Variants in PLXDC2 observed in about 807,000 individuals in gnomAD.
PLXDC2 encodes the protein plexin domain-containing protein 2.
In PLXDC2, 40 loss-of-function variants were observed where a neutral mutation model predicts 68.9. That is an observed-to-expected ratio of 0.58 (90% confidence interval 0.45 to 0.76). PLXDC2 has a LOEUF of 0.76. PLXDC2 is among the 30% of genes least tolerant of loss of function. The pLI is 0.00. For missense variants in PLXDC2, 644 were observed against 661.9 expected (o/e 0.97, Z 0.30); for synonymous variants, 243 against 234.2 (o/e 1.04, Z -0.34).
At chr10:19,965,742 A>G (rs1441443646) in intron 1 of PLXDC2, among the ~76,000 whole-genome samples, 1 of 151,560 alleles carries the variant, frequency 6.6e-6, no homozygotes, top group East Asian at 1.9e-4. Context: ...ACATAATTCA[A>G]TGAAAGTGTC....
At chr10:20,211,390 T>C (rs919451327) in intron 9 of PLXDC2, among the ~76,000 whole-genome samples, 15 of 152,176 alleles carry the variant, frequency 9.9e-5, no homozygotes, top group Non-Finnish European at 1.9e-4. Flanking sequence ...CTTATCTTTG[T>C]GCAGGGATCT....
chr10:20,059,826 A>C (rs900693432), intron 3 of PLXDC2, among the ~76,000 whole-genome samples: 1 of 152,142 alleles, frequency 6.6e-6, no homozygotes, highest in African/African-American at 2.4e-5. Context: ...TATCCTGCCC[A>C]CTATGCTATT....
intron 1 of PLXDC2, among the ~76,000 whole-genome samples, chr10:19,899,134 C>T (rs1006553669): frequency 2.6e-5 from 4 of 152,194 alleles, no homozygotes; most frequent in Non-Finnish European, 4.4e-5. Context: ...CCTCCTCTTC[C>T]ACCCTGGCTC....
chr10:20,051,631 A>G (rs1414563015), intron 3 of PLXDC2, among the ~76,000 whole-genome samples: 1 of 151,804 alleles, frequency 6.6e-6, no homozygotes, highest in African/African-American at 2.4e-5. Flanking sequence ...GTTTCATGCA[A>G]GGCTGACTCA....
chr10:19,935,187 C>T (rs1057090439), intron 1 of PLXDC2, among the ~76,000 whole-genome samples: 1 of 152,162 alleles, frequency 6.6e-6, no homozygotes, highest in Non-Finnish European at 1.5e-5. Flanking sequence ...TGGAGGCTGA[C>T]AGTGGGGACC....
chr10:20,138,992 A>T (rs919046416), intron 4 of PLXDC2, among the ~76,000 whole-genome samples: 1 of 152,228 alleles, frequency 6.6e-6, no homozygotes, highest in Non-Finnish European at 1.5e-5. Context: ...CATTATCAGA[A>T]TAATATTTTT....
intron 7 of PLXDC2, among the ~76,000 whole-genome samples, chr10:20,173,873 T>G (rs948081023): frequency 1.3e-5 from 2 of 152,206 alleles, no homozygotes; most frequent in African/African-American, 4.8e-5. Context: ...TTGGAAGTTG[T>G]CGTTAATTGG....
At chr10:20,123,864 T>C (rs1313377021) in intron 4 of PLXDC2, among the ~76,000 whole-genome samples, 1 of 150,820 alleles carries the variant, frequency 6.6e-6, no homozygotes, top group Non-Finnish European at 1.5e-5. Flanking sequence ...AAATAAGGGA[T>C]TGGGGTGCAG....
chr10:19,851,633 C>T (rs748779935), intron 1 of PLXDC2, among the ~76,000 whole-genome samples: 35 of 152,160 alleles, frequency 2.3e-4, no homozygotes, highest in Non-Finnish European at 4.3e-4. Context: ...GCAACCTCCA[C>T]CTCCTGGGTT....
chr10:20,027,908 G>C (rs1306703613), intron 2 of PLXDC2, among the ~76,000 whole-genome samples: 1 of 151,806 alleles, frequency 6.6e-6, no homozygotes, highest in Non-Finnish European at 1.5e-5. Context: ...AGAACTTTAG[G>C]AGTCACCATT....
chr10:20,167,945 T>G (rs1461894600), intron 7 of PLXDC2, among the ~76,000 whole-genome samples: 7 of 152,154 alleles, frequency 4.6e-5, no homozygotes, highest in Non-Finnish European at 1.0e-4. Context: ...GTTTTTCAGT[T>G]TTTGAAGACC....
At chr10:19,818,668 G>A (rs1171451366) in intron 1 of PLXDC2, among the ~76,000 whole-genome samples, 1 of 152,102 alleles carries the variant, frequency 6.6e-6, no homozygotes, top group Non-Finnish European at 1.5e-5. Flanking sequence ...GTTCTTGACT[G>A]TGTATGATTT....
intron 4 of PLXDC2, among the ~76,000 whole-genome samples, chr10:20,122,631 T>C (rs1833715420): frequency 6.6e-6 from 1 of 152,316 alleles, no homozygotes; most frequent in South Asian, 2.1e-4. Flanking sequence ...AGCAAGCTCC[T>C]GGGGAAGGAG....
intron 1 of PLXDC2, among the ~76,000 whole-genome samples, chr10:19,921,734 C>T (rs949871709): frequency 1.3e-5 from 2 of 152,236 alleles, no homozygotes; most frequent in Non-Finnish European, 2.9e-5. Flanking sequence ...CTGTGCTCTG[C>T]ACATAGGCCC....
At chr10:20,096,094 C>T (rs547810673) in intron 4 of PLXDC2, among the ~76,000 whole-genome samples, 129 of 152,232 alleles carry the variant, frequency 8.5e-4, no homozygotes, top group African/African-American at 2.9e-3. Flanking sequence ...CGAGTGTTCC[C>T]TGGAATACTT....
intron 4 of PLXDC2, among the ~76,000 whole-genome samples, chr10:20,124,252 C>T (rs965662280): frequency 2.6e-5 from 4 of 152,030 alleles, no homozygotes; most frequent in East Asian, 1.9e-4. Context: ...ACGGATAAAA[C>T]GTGTCTCCTT....
chr10:19,844,750 T>C (rs1295553304), intron 1 of PLXDC2, among the ~76,000 whole-genome samples: 1 of 151,998 alleles, frequency 6.6e-6, no homozygotes, highest in Admixed American at 6.6e-5. Context: ...CGCGCATCAC[T>C]ACACCTGGCT....
At chr10:20,255,662 G>T (rs1835733418) in intron 13 of PLXDC2, among the ~76,000 whole-genome samples, 1 of 151,842 alleles carries the variant, frequency 6.6e-6, no homozygotes, top group Admixed American at 6.6e-5. Context: ...GGCATATTCT[G>T]GTTTATAACT....
intron 2 of PLXDC2, among the ~76,000 whole-genome samples, chr10:20,012,182 T>C (rs555158524): frequency 6.6e-6 from 1 of 152,282 alleles, no homozygotes; most frequent in East Asian, 1.9e-4. Flanking sequence ...GTTGTGTTTC[T>C]ATTTTTAAGC....
Sources: gnomAD v4.1 joint callset for allele counts (sites outside exome capture counted in the v4.1 genomes callset) on GRCh38, gnomAD v4.1.1 for gene constraint, MANE v1.5 for transcripts, NCBI Gene and HGNC (gene_info 2026-07-23, HGNC 2026-07-21) for gene names.